ASZ1: variants seen among roughly 807,000 people sequenced by gnomAD.
ASZ1 encodes the protein ankyrin repeat, SAM and basic leucine zipper domain-containing protein 1.
A neutral mutation model predicts 61.8 loss-of-function variants in ASZ1; 67 were observed. The ratio of observed to expected loss-of-function variants is 1.08; its 90% CI spans 0.89 to 1.33. ASZ1 has a LOEUF of 1.33. ASZ1 is among the 40% of genes most tolerant of loss of function. ASZ1 has a pLI of 0.00. For missense variants in ASZ1, 577 were observed against 554.5 expected, an observed-to-expected ratio of 1.04 and a Z score of -0.41; for synonymous variants, 193 against 192.7, an observed-to-expected ratio of 1.00 and a Z score of -0.01.
chr7:117,368,542 TATC>T (rs1164907233), intron 11 of ASZ1, 67 bp downstream of exon 11: 25 of 1,544,624 alleles, frequency 1.6e-5, no homozygotes, highest in South Asian at 5.0e-5. Context: ...TTTATTGAAT[TATC>T]ATGAACTTAT....
chr7:117,422,090 A>G (rs1797108612), intron 3 of ASZ1, 147 bp downstream of exon 3: 1 of 813,244 alleles, frequency 1.2e-6, no homozygotes, highest in African/African-American at 1.7e-5. Flanking sequence ...TATGGTTTCT[A>G]ATTTGATTTT....
chr7:117,389,579 A>G (rs1796423795), intron 4 of ASZ1, among the ~76,000 whole-genome samples: 1 of 152,162 alleles, frequency 6.6e-6, no homozygotes, highest in Non-Finnish European at 1.5e-5. Context: ...ACTTAGGGGT[A>G]GTTATGAACA....
At chr7:117,363,856 A>C in intron 12 of ASZ1, 108 bp from the exon 13 acceptor site, 2 of 942,002 alleles carry the variant, frequency 2.1e-6, no homozygotes, top group Non-Finnish European at 2.8e-6. Context: ...ATTTCACTTG[A>C]TTTAGATGTA....
At position 117,397,427 on chromosome 7, in the gene ASZ1, A is replaced by G. The variant is rs548257756; in HGVS notation, c.441-11618T>C. 4.1e-4 allele frequency among the ~76,000 whole-genome samples: 62 copies of G among 152,322 alleles called. 1 individual carries two copies. The highest frequency in any genetic ancestry group is 1.4e-3 in the African/African-American group (60 of 41,576). On this transcript the variant is annotated intron_variant, in intron 4 of 12. Transcript: ENST00000284629. ...GCAAGACTAATCAATTATTATTAAA[A>G]AGCATGCAAACTAAAATGAGGGATC...
At position 117,427,388 on chromosome 7, in the gene ASZ1, A is replaced by T; in HGVS notation, c.73T>A (p.Trp25Arg). The T allele has an allele frequency of 1.2e-6, 2 of 1,614,234 alleles. No individual in the cohort carries two copies. The highest frequency in any genetic ancestry group is 2.2e-5 in the South Asian group (2 of 91,088). The change falls in exon 1 of 13, where the codon TGG becomes AGG. Residue 25 changes from tryptophan (W) to arginine (R), a missense_variant. Transcript: ENST00000284629. ...GESSESEDDG[W>R]EIGYLDRTSQ... ...GTCCGGTCGAGATACCCAATCTCCC[A>T]GCCATCATCCTCGCTCTCGCTACTC...
In ASZ1 at chr7:117,420,232, G is replaced by A. The variant is rs762514505; in HGVS notation, c.371C>T (p.Ser124Leu). ...ILITACSAHG[S>L]EEQILKCVEL... The stretch of plus-strand genomic sequence containing the variant: ...TACACACTTCAAGATCTGTTCCTCT[G>A]AGCCATGAGCAGAACATGCAGTTAT... Residue 124 changes from serine to leucine, a missense_variant, in exon 4 of 13, where the codon TCA (serine) becomes TTA (leucine). Physicochemically the swap from Ser to Leu is moderately radical, Grantham distance 145. Coordinates refer to ENST00000284629, the MANE Select transcript of ASZ1 (RefSeq NM_130768.3). The A allele has an allele frequency of 3.1e-6, 5 of 1,612,608 alleles. No homozygotes were observed. The highest frequency in any genetic ancestry group is 4.2e-6 in the Non-Finnish European group (5 of 1,179,722).
At chr7:117,379,152 TATATATATATATATATAC>T (rs1195079744) in intron 10 of ASZ1, among the ~76,000 whole-genome samples, 65 of 102,412 alleles carry the variant, frequency 6.3e-4, no homozygotes, top group African/African-American at 2.6e-3. Flanking sequence ...TATATATATA[TATATATATATATATATAC>T]ACACACACAC....
rs1202630422 is a variant in ASZ1, at chr7:117,363,550, A to T, written c.*46T>A. 7.2e-7 allele frequency: 1 copy of T among 1,384,328 alleles called. No individual in the cohort carries two copies. The highest frequency in any genetic ancestry group is 9.6e-7 in the Non-Finnish European group (1 of 1,043,446). The allele number at this position is 1,384,328 out of a possible 1,614,324, so 85.8% of individuals were successfully genotyped here. On this transcript the variant is annotated 3_prime_UTR_variant, in exon 13 of 13. Coordinates refer to ENST00000284629, the MANE Select transcript of ASZ1 (RefSeq NM_130768.3). The stretch of plus-strand genomic sequence containing the variant: ...AACAGTTAAAAGCAATGATTTTTGG[A>T]TGGTTCAATAAGATGTGTATATATA...
intron 12 of ASZ1, among the ~76,000 whole-genome samples, chr7:117,365,274 A>G (rs1446094110): frequency 6.6e-6 from 1 of 152,204 alleles, no homozygotes; most frequent in Non-Finnish European, 1.5e-5. Context: ...AGAAATGCAT[A>G]AATTCTAAAT....
intron 4 of ASZ1, among the ~76,000 whole-genome samples, chr7:117,416,148 T>G (rs964338592): frequency 6.6e-6 from 1 of 152,086 alleles, no homozygotes; most frequent in Non-Finnish European, 1.5e-5. Context: ...GATCTGACAC[T>G]GCACTCCAGC....
At chr7:117,409,707 C>A (rs191007713) in intron 4 of ASZ1, among the ~76,000 whole-genome samples, 35 of 151,828 alleles carry the variant, frequency 2.3e-4, no homozygotes, top group Admixed American at 6.6e-4. Context: ...TGTATACGAG[C>A]TAAAACACTC....
chr7:117,422,159 T>G (rs1797109742), intron 3 of ASZ1, 78 bp downstream of exon 3: 1 of 1,491,124 alleles, frequency 6.7e-7, no homozygotes, highest in Admixed American at 2.2e-5. Context: ...TTTAGTTTTT[T>G]GCACTTTATA....
At chr7:117,411,383 A>C (rs1438736564) in intron 4 of ASZ1, among the ~76,000 whole-genome samples, 1 of 151,860 alleles carries the variant, frequency 6.6e-6, no homozygotes, top group East Asian at 1.9e-4. Context: ...TAAAAACATA[A>C]GGAATGATGT....
At chr7:117,404,503 T>C (rs115070898) in intron 4 of ASZ1, among the ~76,000 whole-genome samples, 3,302 of 151,384 alleles carry the variant, frequency 0.022, 118 homozygotes, top group African/African-American at 0.076. Context: ...AAGTCGAGGG[T>C]CACTTGGGCT....
At chr7:117,416,497 G>A (rs1796994832) in intron 4 of ASZ1, among the ~76,000 whole-genome samples, 1 of 152,156 alleles carries the variant, frequency 6.6e-6, no homozygotes, top group South Asian at 2.1e-4. Context: ...GAGCATGGAT[G>A]AGTCTTAAAA....
intron 10 of ASZ1, among the ~76,000 whole-genome samples, chr7:117,371,090 G>A (rs1053739911): frequency 6.6e-6 from 1 of 152,074 alleles, no homozygotes; most frequent in African/African-American, 2.4e-5. Context: ...CTCCCAAAGT[G>A]CTAACATTAT....
At chr7:117,370,092 C>T (rs1050898754) in intron 10 of ASZ1, among the ~76,000 whole-genome samples, 2 of 152,000 alleles carry the variant, frequency 1.3e-5, no homozygotes, top group Non-Finnish European at 2.9e-5. Flanking sequence ...AAATGGGGGT[C>T]TTGCAAGGGT....
chr7:117,417,926 A>C (rs1327909943), intron 4 of ASZ1, among the ~76,000 whole-genome samples: 3 of 152,228 alleles, frequency 2.0e-5, no homozygotes, highest in Non-Finnish European at 4.4e-5. Context: ...ACTGCCTTAT[A>C]GTGTCATTGC....
intron 10 of ASZ1, among the ~76,000 whole-genome samples, chr7:117,374,889 A>G (rs1379110577): frequency 3.3e-5 from 5 of 152,086 alleles, no homozygotes; most frequent in African/African-American, 1.2e-4. Flanking sequence ...ATATGAAACC[A>G]AAAGAAGAAA....
Sources: allele counts gnomAD v4.1 joint callset (sites outside exome capture counted in the v4.1 genomes callset), GRCh38; gene constraint gnomAD v4.1.1; transcripts MANE v1.5; gene names NCBI Gene and HGNC (gene_info 2026-07-23, HGNC 2026-07-21).